The following DOCK5 variants were observed in gnomAD, a reference collection of about 807,000 sequenced individuals.
DOCK5 encodes dedicator of cytokinesis 5, also known as dedicator of cytokinesis protein 5.
Under a neutral mutation model 251.8 loss-of-function variants are expected in DOCK5, and 142 were observed. The ratio of observed to expected loss-of-function variants is 0.56; its 90% CI spans 0.49 to 0.65. DOCK5 has a LOEUF of 0.65. Ranked by LOEUF, DOCK5 falls within the 30% of genes least tolerant of loss-of-function variation. The pLI, the probability that DOCK5 is intolerant of heterozygous loss-of-function variation, is 0.00. For missense variants in DOCK5, 2,111 were observed against 2,312.3 expected (o/e 0.91, Z 1.79); for synonymous variants, 842 against 835.5 (o/e 1.01, Z -0.13).
At chr8:25,371,514 T>A (rs1800872276) in intron 34 of DOCK5, among the ~76,000 whole-genome samples, 2 of 152,232 alleles carry the variant, frequency 1.3e-5, no homozygotes, top group Non-Finnish European at 2.9e-5. Context: ...ATAGTCTGTA[T>A]TTTAAAGGAC....
In DOCK5 at chr8:25,373,663, G is replaced by A; in HGVS notation, c.3725+5G>A. ...GAGAGAGGACATATACATAAGGTAA[G>A]CTGAAGGAAATTTCTTGCTTCTGCT... On this transcript the variant is annotated splice_donor_5th_base_variant and intron_variant, in intron 36 of 51. Transcript: ENST00000276440. The A allele has an allele frequency of 1.3e-6, 2 of 1,588,432 alleles. No individual in the cohort carries two copies. Among genetic ancestry groups the A allele is most frequent in the Non-Finnish European group, 1.7e-6 (2 of 1,168,072 alleles).
At chr8:25,239,473 G>A (rs990811657) in intron 1 of DOCK5, among the ~76,000 whole-genome samples, 8 of 151,898 alleles carry the variant, frequency 5.3e-5, no homozygotes, top group Non-Finnish European at 1.2e-4. Flanking sequence ...CCAGGAAGAG[G>A]TGAAGCTTGG....
intron 2 of DOCK5, among the ~76,000 whole-genome samples, chr8:25,250,446 C>T (rs1803236985): frequency 6.6e-6 from 1 of 152,158 alleles, no homozygotes; most frequent in Admixed American, 6.5e-5. Context: ...TGTGTCTTTG[C>T]TTCTTTTACT....
At chr8:25,189,579 T>A (rs1801524034) in intron 1 of DOCK5, among the ~76,000 whole-genome samples, 2 of 152,200 alleles carry the variant, frequency 1.3e-5, no homozygotes, top group Non-Finnish European at 2.9e-5. Context: ...CAGGCTGGTC[T>A]GGAACTCCTA....
Position 25,325,829 on chromosome 8 carries a change from A to G in DOCK5, c.1903+282A>G, listed in dbSNP as rs546983729. ...AATGCATTTATTAACAGCAACTGTA[A>G]AATTCAAAAGCCGTATGTTCCCTGA... is the stretch of plus-strand genomic sequence containing the variant. On this transcript the variant is annotated intron_variant, in intron 18 of 51. Coordinates refer to ENST00000276440, the MANE Select transcript of DOCK5 (RefSeq NM_024940.8). Among the ~76,000 whole-genome samples the G allele has an allele frequency of 7.2e-5, 11 of 152,358 alleles. No individual in the cohort carries two copies. The South Asian group carries it at 1.2e-3, about 17-fold the overall frequency.
chr8:25,234,103 A>G (rs751614096), intron 1 of DOCK5, among the ~76,000 whole-genome samples: 3 of 152,198 alleles, frequency 2.0e-5, no homozygotes, highest in Non-Finnish European at 4.4e-5. Flanking sequence ...TTAGGTTGTT[A>G]TTGTCAAAGT....
At chr8:25,393,497 A>C (rs758367671) in intron 44 of DOCK5, among the ~76,000 whole-genome samples, 4 of 152,152 alleles carry the variant, frequency 2.6e-5, no homozygotes, top group Admixed American at 6.5e-5. Context: ...TGTCCTCCTT[A>C]GCACACACAC....
At chr8:25,187,364 TTGTGTGTGTGTGTG>T (rs34685735) in intron 1 of DOCK5, among the ~76,000 whole-genome samples, 1 of 136,608 alleles carries the variant, frequency 7.3e-6, no homozygotes, top group African/African-American at 2.7e-5. Context: ...TGGGTGGAAA[TTGTGTGTGTGTGTG>T]TGTGTGTGTG....
chr8:25,236,589 T>A (rs569665619), intron 1 of DOCK5, among the ~76,000 whole-genome samples: 10 of 152,222 alleles, frequency 6.6e-5, no homozygotes, highest in African/African-American at 1.7e-4. Flanking sequence ...ATCTTTTTTT[T>A]ATTTTTTTTG....
rs1800472163 is a variant in DOCK5 at position 25,351,731 on chromosome 8, G to T, written c.2755G>T (p.Gly919Cys). Residue 919 changes from glycine (G) to cysteine (C), a missense_variant and splice_region_variant, in exon 27 of 52, where the codon GGT becomes TGT. Around this residue, in one of 3 missense-constraint regions of DOCK5, gnomAD observed 1,717 missense variants for 1,892.4 expected, o/e 0.91. Transcript: ENST00000276440. ...GAGTCAAATCCTGTGTTCCCTGCAG[G>T]GTGCCACTGCGGTGCACATTCAGCT... ...ILEVLDRKDV[G>C]ATAVHIQLIM... 6.2e-7 allele frequency: 1 copy of T among 1,612,620 alleles called. No individual in the cohort carries two copies. Among genetic ancestry groups the T allele is most frequent in the South Asian group, 1.1e-5 (1 of 90,790 alleles).
intron 12 of DOCK5, among the ~76,000 whole-genome samples, chr8:25,310,057 T>C (rs1351752202): frequency 6.6e-6 from 1 of 152,200 alleles, no homozygotes; most frequent in Non-Finnish European, 1.5e-5. Flanking sequence ...TTTTGCCATA[T>C]ATTAAATTGC....
At chr8:25,312,169 C>T (rs1238572878) in intron 13 of DOCK5, among the ~76,000 whole-genome samples, 3 of 151,856 alleles carry the variant, frequency 2.0e-5, no homozygotes, top group South Asian at 2.1e-4. Context: ...CCCTGATATA[C>T]ATTCATCAAC....
chr8:25,384,205 T>C (rs1358246903), intron 40 of DOCK5, among the ~76,000 whole-genome samples: 1 of 152,200 alleles, frequency 6.6e-6, no homozygotes, highest in Non-Finnish European at 1.5e-5. Context: ...TGGTTTTATT[T>C]ATACGAAATT....
intron 2 of DOCK5, among the ~76,000 whole-genome samples, chr8:25,251,433 G>C (rs759142287): frequency 2.0e-5 from 3 of 152,190 alleles, no homozygotes; most frequent in Non-Finnish European, 4.4e-5. Flanking sequence ...TATACGTACA[G>C]GAGTTCCCCA....
chr8:25,218,803 A>C (rs570858879), intron 1 of DOCK5, among the ~76,000 whole-genome samples: 1 of 152,278 alleles, frequency 6.6e-6, no homozygotes, highest in East Asian at 1.9e-4. Flanking sequence ...GCAGGAAGAC[A>C]AGTTTCCAGG....
intron 30 of DOCK5, among the ~76,000 whole-genome samples, chr8:25,366,650 G>GT (rs1314319885): frequency 1.3e-5 from 2 of 152,244 alleles, no homozygotes; most frequent in African/African-American, 4.8e-5. Flanking sequence ...TATCCCAGGA[G>GT]TAAAGAAAAA....
intron 2 of DOCK5, among the ~76,000 whole-genome samples, chr8:25,256,676 G>A (rs1654291400): frequency 6.6e-6 from 1 of 151,316 alleles, no homozygotes; most frequent in Non-Finnish European, 1.5e-5. Flanking sequence ...GTTATAGTTG[G>A]AATTGAAAGA....
At chr8:25,403,137 T>G (rs773983477) in intron 47 of DOCK5, among the ~76,000 whole-genome samples, 21 of 152,194 alleles carry the variant, frequency 1.4e-4, no homozygotes, top group Non-Finnish European at 1.8e-4. Flanking sequence ...ATTCACCAGG[T>G]TAAGCTGCAT....
At chr8:25,373,741 A>G (rs935521726) in intron 36 of DOCK5, 83 bp downstream of exon 36, 11 of 1,359,594 alleles carry the variant, frequency 8.1e-6, no homozygotes, top group Non-Finnish European at 1.1e-5. Context: ...TACTTTCCCA[A>G]CACCGTGTTT....
Sources: gnomAD v4.1 joint callset for allele counts (sites outside exome capture counted in the v4.1 genomes callset) on GRCh38, gnomAD v4.1.1 for gene constraint, gnomAD v4.1.1 regional missense constraint, MANE v1.5 for transcripts, NCBI Gene and HGNC (gene_info 2026-07-23, HGNC 2026-07-21) for gene names.